NEDD8: variants seen among roughly 807,000 people sequenced by gnomAD.
NEDD8 encodes the protein ubiquitin-like protein NEDD8.
A neutral mutation model predicts 13.8 loss-of-function variants in NEDD8; 1 was observed. The observed-to-expected ratio is 0.07, with a 90% confidence interval of 0.03 to 0.34. The LOEUF (loss-of-function observed/expected upper bound fraction) is 0.34, where lower values mean the gene tolerates loss of function less well. Among genes scored for constraint, NEDD8 ranks in the 10% least tolerant of loss-of-function variants. NEDD8 has a pLI of 0.99. For missense variants in NEDD8, 10 were observed against 95.2 expected (o/e 0.10, Z 3.73); for synonymous variants, 31 against 33.2 (o/e 0.93, Z 0.23).
intron 1 of NEDD8, among the ~76,000 whole-genome samples, chr14:24,224,535 C>A (rs926012201): frequency 2.0e-5 from 3 of 152,208 alleles, no homozygotes; most frequent in Non-Finnish European, 4.4e-5. Flanking sequence ...CAAGTACAAT[C>A]AAAATTTCAA....
intron 1 of NEDD8, 188 bp from the exon 2 acceptor site, chr14:24,218,619 C>A: frequency 2.6e-6 from 2 of 776,104 alleles, no homozygotes; most frequent in Non-Finnish European, 4.1e-6. Flanking sequence ...AGGCTGTAAA[C>A]AACTTTGATA....
chr14:24,224,119 C>T (rs939486708), intron 1 of NEDD8, among the ~76,000 whole-genome samples: 9 of 152,080 alleles, frequency 5.9e-5, no homozygotes, highest in African/African-American at 1.7e-4. Context: ...TTAGTAGAGA[C>T]GGGTTTTCAC....
rs2040054295 is a variant in NEDD8, at chr14:24,232,190, G to A, written c.18+60C>T. 15 of 1,612,300 alleles carry A rather than the reference G, an allele frequency of 9.3e-6. No homozygotes were observed. The South Asian group carries it at 1.2e-4, about 13-fold the overall frequency. On this transcript the variant is annotated intron_variant, in intron 1 of 3. Transcript: ENST00000250495. ...GTGGTTTTCCTTCCCCACGTCTCCCGTAAGGCACTGCTGCCAGCCCAGTAC... is the reference window on the plus strand; with the variant it reads ...GTGGTTTTCCTTCCCCACGTCTCCCATAAGGCACTGCTGCCAGCCCAGTAC...
intron 1 of NEDD8, among the ~76,000 whole-genome samples, chr14:24,230,681 C>G (rs1223229340): frequency 6.7e-6 from 1 of 150,196 alleles, no homozygotes. Context: ...TGCAATGGCG[C>G]CATCTCAGCT....
At chr14:24,228,988 G>T (rs1029531902) in intron 1 of NEDD8, among the ~76,000 whole-genome samples, 1 of 152,014 alleles carries the variant, frequency 6.6e-6, no homozygotes, top group African/African-American at 2.4e-5. Context: ...CAATTTTAGA[G>T]AAGTACCACA....
At chr14:24,221,286 T>TC (rs1435137430) in intron 1 of NEDD8, among the ~76,000 whole-genome samples, 1 of 144,900 alleles carries the variant, frequency 6.9e-6, no homozygotes, top group African/African-American at 2.8e-5. Context: ...TATTTCACTT[T>TC]CTTTTTTTTT....
chr14:24,225,401 A>G (rs1427698696), intron 1 of NEDD8, among the ~76,000 whole-genome samples: 1 of 152,166 alleles, frequency 6.6e-6, no homozygotes, highest in Admixed American at 6.5e-5. Context: ...GATAGTAAGC[A>G]ATCAGTTAAA....
intron 1 of NEDD8, among the ~76,000 whole-genome samples, chr14:24,221,424 C>A (rs990217662): frequency 6.6e-6 from 1 of 151,630 alleles, no homozygotes; most frequent in Admixed American, 6.6e-5. Flanking sequence ...GCATCACAGG[C>A]GGGCACCACC....
chr14:24,218,569 G>A lies in NEDD8; in HGVS notation c.19-138C>T, dbSNP rs187604444. The A allele has an allele frequency of 5.5e-4, 684 of 1,235,264 alleles. 2 individuals are homozygous for A. In the African/African-American group the frequency reaches 8.6e-3, roughly 16 times the overall value. The allele number at this position is 1,235,264 out of a possible 1,614,324, so 76.5% of individuals were successfully genotyped here. A position where few individuals can be genotyped will look rare whatever the true frequency, so the allele number is the denominator to read the frequency against. ...TCTCAGCAGCACTGCTTTGGAGAAT[G>A]AGAAGGCTTTGAACATACCTTCATT... On this transcript the variant is annotated intron_variant, in intron 1 of 3. Coordinates refer to ENST00000250495, the MANE Select transcript of NEDD8 (RefSeq NM_006156.3).
chr14:24,218,631 G>A (rs2039748456), intron 1 of NEDD8, 200 bp from the exon 2 acceptor site: 3 of 685,220 alleles, frequency 4.4e-6, no homozygotes, highest in African/African-American at 3.6e-5. Flanking sequence ...ACTTTGATAG[G>A]GCAAGATTCT....
rs550524429 is a variant in NEDD8, at chr14:24,217,277, G to T, written c.150-54C>A. The T allele has an allele frequency of 1.9e-3, 780 of 420,010 alleles. 2 individuals are homozygous for T. Among genetic ancestry groups the T allele is most frequent in the African/African-American group, 1.9e-3 (13 of 6,816 alleles). The allele number at this position is 420,010 out of a possible 1,614,324, so 26.0% of individuals were successfully genotyped here. ...GAAAAAGAAGACTTAGGAGTTTTTT[G>T]TTGTTGTTGTTGTTGTTGTTGTTGT... On this transcript the variant is annotated intron_variant, in intron 3 of 3. Coordinates refer to ENST00000250495, the MANE Select transcript of NEDD8 (RefSeq NM_006156.3).
Position 24,232,357 on chromosome 14 carries a change from G to A in NEDD8, c.-90C>T, listed in dbSNP as rs1209906384. ...CGCCCTCCAGCACTCTTGCCTGCAAGGGCCACTTCTACTTCCGGGTCACTG... is the reference window on the plus strand; with the variant it reads ...CGCCCTCCAGCACTCTTGCCTGCAAAGGCCACTTCTACTTCCGGGTCACTG... On this transcript the variant is annotated 5_prime_UTR_variant, in exon 1 of 4. Coordinates refer to ENST00000250495, the MANE Select transcript of NEDD8 (RefSeq NM_006156.3). The A allele has an allele frequency of 2.0e-6, 3 of 1,478,034 alleles. No homozygotes were observed. The Admixed American group carries it at 5.4e-5, about 27-fold the overall frequency. 91.6% of individuals were successfully genotyped at this position (1,478,034 alleles called of 1,614,324 possible).
intron 1 of NEDD8, 156 bp downstream of exon 1, chr14:24,232,094 G>T: frequency 1.7e-6 from 2 of 1,186,822 alleles, no homozygotes; most frequent in Non-Finnish European, 2.4e-6. Flanking sequence ...GCCCTTCTGG[G>T]TCCCCCTATT....
At chr14:24,219,327 A>G (rs2039760263) in intron 1 of NEDD8, among the ~76,000 whole-genome samples, 1 of 151,120 alleles carries the variant, frequency 6.6e-6, no homozygotes, top group South Asian at 2.1e-4. Context: ...AACAACAACA[A>G]CAAAAATTAG....
At position 24,217,104 on chromosome 14, in the gene NEDD8, A is replaced by G. The variant is rs1277019217; in HGVS notation, c.*23T>C. 6.3e-7 allele frequency: 1 copy of G among 1,591,810 alleles called. No homozygotes were observed. Among genetic ancestry groups the G allele is most frequent in the Non-Finnish European group, 8.6e-7 (1 of 1,163,006 alleles). On this transcript the variant is annotated 3_prime_UTR_variant, in exon 4 of 4. Transcript: ENST00000250495. Reference sequence around the variant, plus strand: ...GATGCCTCATTATGAGCGACAGGGTAAAGAGGTAAAATGGAGGGTCCATCA... The same window carrying G: ...GATGCCTCATTATGAGCGACAGGGTGAAGAGGTAAAATGGAGGGTCCATCA...
At chr14:24,217,845 T>C (rs995153004) in intron 3 of NEDD8, 7 of 318,090 alleles carry the variant, frequency 2.2e-5, no homozygotes, top group Admixed American at 1.8e-4. Flanking sequence ...AGACCTACCA[T>C]TAGATCTTAT....
At position 24,232,337 on chromosome 14, in the gene NEDD8, T is replaced by G. The variant is rs965815440; in HGVS notation, c.-70A>C. 2.1e-6 allele frequency: 3 copies of G among 1,427,834 alleles called. No homozygotes were observed. The highest frequency in any genetic ancestry group is 1.9e-6 in the Non-Finnish European group (2 of 1,073,344). The allele number at this position is 1,427,834 out of a possible 1,614,324, so 88.4% of individuals were successfully genotyped here. On this transcript the variant is annotated 5_prime_UTR_variant, in exon 1 of 4. Coordinates refer to ENST00000250495, the MANE Select transcript of NEDD8 (RefSeq NM_006156.3). ...ACCGCTCCGGTCGCCGCTGCCGCCCTCCAGCACTCTTGCCTGCAAGGGCCA... is the reference window on the plus strand; with the variant it reads ...ACCGCTCCGGTCGCCGCTGCCGCCCGCCAGCACTCTTGCCTGCAAGGGCCA...
intron 3 of NEDD8, 129 bp from the exon 4 acceptor site, chr14:24,217,352 C>T (rs973571231): frequency 2.3e-5 from 16 of 709,998 alleles, no homozygotes; most frequent in East Asian, 8.5e-5. Flanking sequence ...TACAGTGGCA[C>T]GATCTCAGCT....
At chr14:24,219,622 G>A (rs1041198670) in intron 1 of NEDD8, among the ~76,000 whole-genome samples, 8 of 152,010 alleles carry the variant, frequency 5.3e-5, no homozygotes, top group Non-Finnish European at 1.0e-4. Context: ...GTTAAGGGCT[G>A]GTGATATCCA....
Sources: gnomAD v4.1 joint callset for allele counts (sites outside exome capture counted in the v4.1 genomes callset) on GRCh38, gnomAD v4.1.1 for gene constraint, MANE v1.5 for transcripts, NCBI Gene and HGNC (gene_info 2026-07-23, HGNC 2026-07-21) for gene names.